Variants in DOCK3 observed in about 807,000 individuals in gnomAD.
DOCK3 encodes the protein dedicator of cytokinesis 3.
A neutral mutation model predicts 265.6 loss-of-function variants in DOCK3; 60 were observed. That is an observed-to-expected ratio of 0.23 (90% confidence interval 0.18 to 0.28). The LOEUF is 0.28. Ranked by LOEUF, DOCK3 falls within the 10% of genes least tolerant of loss-of-function variation. The pLI is 1.00. For missense variants in DOCK3, 1,981 were observed against 2,594.3 expected (o/e 0.76, Z 5.14); for synonymous variants, 881 against 938.0 (o/e 0.94, Z 1.11).
intron 14 of DOCK3, among the ~76,000 whole-genome samples, chr3:51,221,714 A>T (rs1476513906): frequency 6.6e-6 from 1 of 152,170 alleles, no homozygotes; most frequent in African/African-American, 2.4e-5. Context: ...TAAGCACTCA[A>T]TGTAAGGCAT....
intron 13 of DOCK3, among the ~76,000 whole-genome samples, chr3:51,210,836 A>T (rs2089460230): frequency 6.6e-6 from 1 of 152,236 alleles, no homozygotes; most frequent in Non-Finnish European, 1.5e-5. Context: ...TTCAAGTCAC[A>T]TAATTTAAAA....
intron 26 of DOCK3, 57 bp from the exon 27 acceptor site, chr3:51,280,049 G>A (rs2081028296): frequency 3.5e-6 from 5 of 1,443,126 alleles, no homozygotes; most frequent in Non-Finnish European, 4.8e-6. Context: ...CTATGGATTG[G>A]GGGAACACAG....
chr3:50,806,033 T>A (rs2043392193), intron 2 of DOCK3, among the ~76,000 whole-genome samples: 1 of 151,524 alleles, frequency 6.6e-6, no homozygotes, highest in South Asian at 2.1e-4. Flanking sequence ...GGTGCTTCTG[T>A]AGAGGGTGGC....
intron 5 of DOCK3, among the ~76,000 whole-genome samples, chr3:50,962,711 CTTTT>C (rs36066875): frequency 6.6e-6 from 1 of 151,884 alleles, no homozygotes; most frequent in East Asian, 1.9e-4. Flanking sequence ...GGCTAGGACT[CTTTT>C]TTATTTTTTC....
intron 49 of DOCK3, among the ~76,000 whole-genome samples, chr3:51,369,246 G>A (rs1237673498): frequency 3.3e-5 from 5 of 152,222 alleles, no homozygotes; most frequent in Admixed American, 6.5e-5. Flanking sequence ...AAACTTATCC[G>A]AGCTAAAGGA....
At chr3:51,348,390 G>C (rs985268533) in intron 38 of DOCK3, among the ~76,000 whole-genome samples, 5 of 152,174 alleles carry the variant, frequency 3.3e-5, no homozygotes, top group Non-Finnish European at 4.4e-5. Flanking sequence ...CTAAAAATTA[G>C]TGTTTCATTA....
At chr3:50,962,003 T>C (rs397874373) in intron 5 of DOCK3, among the ~76,000 whole-genome samples, 14,471 of 152,196 alleles carry the variant, frequency 0.095, 865 homozygotes, top group Non-Finnish European at 0.12. Context: ...GAACCACTTT[T>C]TTTTTTTAAT....
chr3:50,867,268 T>C (rs529355814), intron 3 of DOCK3, among the ~76,000 whole-genome samples: 3 of 152,306 alleles, frequency 2.0e-5, no homozygotes, highest in Admixed American at 2.0e-4. Context: ...TTTTTGTATG[T>C]TCATTTTGTT....
At chr3:50,861,806 G>GACA (rs1316781755) in intron 3 of DOCK3, among the ~76,000 whole-genome samples, 1 of 127,506 alleles carries the variant, frequency 7.8e-6, no homozygotes, top group Non-Finnish European at 1.6e-5. Context: ...CCTTTATGTT[G>GACA]AGCCTTTGGG....
intron 5 of DOCK3, among the ~76,000 whole-genome samples, chr3:51,016,943 T>C (rs1316786122): frequency 5.3e-5 from 2 of 37,682 alleles, no homozygotes; most frequent in Admixed American, 7.9e-4. Context: ...CAATATATGT[T>C]ATATATAATA....
At position 51,333,179 on chromosome 3, in the gene DOCK3, A is replaced by T. The variant is rs1351000693; in HGVS notation, c.3537A>T (p.Gln1179His). Reference protein sequence around the residue: ...PYPSLLEKVEQETWRETGISF... With the variant: ...PYPSLLEKVEHETWRETGISF... ...ATAGCCTGCTGGAGAAGGTTGAACA[A>T]GAAACATGGCGCGAGACCGGCATTT... The change falls in exon 35 of 53, where the codon CAA (glutamine) becomes CAT (histidine). Residue 1179 changes from glutamine (Q) to histidine (H), a missense_variant. Gln to His is a conservative substitution (Grantham distance 24, BLOSUM62 0). Transcript: ENST00000266037. The T allele has an allele frequency of 1.2e-6, 2 of 1,614,008 alleles. No individual in the cohort carries two copies. Among genetic ancestry groups the T allele is most frequent in the Non-Finnish European group, 1.7e-6 (2 of 1,179,902 alleles).
At chr3:50,683,985 C>G (rs1203212801) in intron 1 of DOCK3, among the ~76,000 whole-genome samples, 1 of 151,968 alleles carries the variant, frequency 6.6e-6, no homozygotes, top group Non-Finnish European at 1.5e-5. Context: ...TTTCTATACT[C>G]TAGATATGCT....
At position 50,675,438 on chromosome 3, in the gene DOCK3, G is replaced by GGGGGCA. The variant is rs1335223803; in HGVS notation, c.37+141_37+146dup. On this transcript the variant is annotated intron_variant, in intron 1 of 52. Transcript: ENST00000266037. The surrounding 1 kb of genome is among the most constrained non-coding windows in gnomAD (Gnocchi z 6.1). ...CCTCGGCGCGGGGCGAGCGCGGGGT[G>GGGGGCA]GGGGCAGGTGCGGGTGCGGGTGCGG... is the stretch of plus-strand genomic sequence containing the variant. 1 of 774,456 alleles carries GGGGGCA rather than the reference G, an allele frequency of 1.3e-6. No individual in the cohort carries two copies. Among genetic ancestry groups the GGGGGCA allele is most frequent in the African/African-American group, 1.9e-5 (1 of 52,846 alleles). 48.0% of individuals were successfully genotyped at this position (774,456 alleles called of 1,614,324 possible). A position where few individuals can be genotyped will look rare whatever the true frequency, so the allele number is the denominator to read the frequency against.
chr3:51,069,637 CGTCT>C (rs1384559634), intron 6 of DOCK3, among the ~76,000 whole-genome samples: 1 of 149,944 alleles, frequency 6.7e-6, no homozygotes, highest in Non-Finnish European at 1.5e-5. Flanking sequence ...TCTTTCTCTC[CGTCT>C]GTCATTTTTT....
At chr3:51,049,961 A>G (rs890975079) in intron 5 of DOCK3, among the ~76,000 whole-genome samples, 2 of 152,216 alleles carry the variant, frequency 1.3e-5, no homozygotes, top group African/African-American at 2.4e-5. Context: ...CCCATTTACA[A>G]TAGCATCAAA....
At position 51,343,167 on chromosome 3, in the gene DOCK3, A is replaced by G. The variant is rs557334980; in HGVS notation, c.3915+1782A>G. Among the ~76,000 whole-genome samples, 4 of 152,334 alleles carry G rather than the reference A, an allele frequency of 2.6e-5. No individual in the cohort carries two copies. In the South Asian group the frequency reaches 8.3e-4, roughly 32 times the overall value. On this transcript the variant is annotated intron_variant, in intron 38 of 52. Coordinates refer to ENST00000266037, the MANE Select transcript of DOCK3 (RefSeq NM_004947.5). The stretch of plus-strand genomic sequence containing the variant: ...CGTGGGGCAGGGATGTTTAGCACCA[A>G]GAGAAAAGCCACCTTGGCAACAAGA...
At chr3:51,240,852 C>CT (rs1479144418) in intron 21 of DOCK3, among the ~76,000 whole-genome samples, 4 of 152,146 alleles carry the variant, frequency 2.6e-5, no homozygotes, top group African/African-American at 9.7e-5. Flanking sequence ...TCTTTGAAGA[C>CT]AGCTTATGAA....
chr3:50,915,373 G>A (rs1479392462), intron 4 of DOCK3, among the ~76,000 whole-genome samples: 1 of 152,032 alleles, frequency 6.6e-6, no homozygotes, highest in Admixed American at 6.5e-5. Context: ...CACAGCTGTT[G>A]TTTGGTCCCT....
Position 51,036,176 on chromosome 3 carries a change from T to C in DOCK3, c.316-28272T>C, listed in dbSNP as rs74677406. Reference sequence around the variant, plus strand: ...TCATTCAGTCTTCAGAACTCTCATATGATTGGTGTTTTGTATTTTGCCCAG... The same window carrying C: ...TCATTCAGTCTTCAGAACTCTCATACGATTGGTGTTTTGTATTTTGCCCAG... On this transcript the variant is annotated intron_variant, in intron 5 of 52. Coordinates refer to ENST00000266037, the MANE Select transcript of DOCK3 (RefSeq NM_004947.5). Among the ~76,000 whole-genome samples the C allele has an allele frequency of 5.5e-3, 837 of 152,308 alleles. 3 individuals are homozygous for C. Among genetic ancestry groups the C allele is most frequent in the African/African-American group, 0.019 (782 of 41,564 alleles).
Sources: gnomAD v4.1 joint callset for allele counts (sites outside exome capture counted in the v4.1 genomes callset) on GRCh38, gnomAD v4.1.1 for gene constraint, Gnocchi (gnomAD v3.1) non-coding constraint, MANE v1.5 for transcripts, NCBI Gene and HGNC (gene_info 2026-07-23, HGNC 2026-07-21) for gene names.